Variants in TANC1 observed in about 807,000 individuals in gnomAD.
The protein encoded by TANC1 is protein TANC1.
Under a neutral mutation model 149.7 loss-of-function variants are expected in TANC1, and 77 were observed. The ratio of observed to expected loss-of-function variants is 0.51; its 90% confidence interval spans 0.43 to 0.62. The LOEUF (loss-of-function observed/expected upper bound fraction) is 0.62, where lower values mean the gene tolerates loss of function less well. Ranked by LOEUF, TANC1 falls within the 20% of genes least tolerant of loss-of-function variation. The pLI, the probability that TANC1 is intolerant of heterozygous loss-of-function variation, is 0.00. For synonymous variants in TANC1, 854 were observed against 925.0 expected (o/e 0.92, Z 1.39); for missense variants, 1,985 against 2,321.8 (o/e 0.85, Z 2.98).
chr2:159,152,788 C>T (rs1252994055), intron 7 of TANC1, among the ~76,000 whole-genome samples: 3 of 152,212 alleles, frequency 2.0e-5, no homozygotes, highest in Non-Finnish European at 4.4e-5. Flanking sequence ...CCGGCCCAAA[C>T]TTTTAATAAC....
At chr2:159,041,005 C>T (rs997984237) in intron 2 of TANC1, among the ~76,000 whole-genome samples, 1 of 152,188 alleles carries the variant, frequency 6.6e-6, no homozygotes, top group Non-Finnish European at 1.5e-5. Flanking sequence ...AGTTTTCCTT[C>T]TAAGAGTCAG....
Position 159,228,947 on chromosome 2 carries a change from A to C in TANC1, c.4151+51A>C, listed in dbSNP as rs771741974. ...CTAGAGCTTTTTTTCTTGTGGGATC[A>C]AACCTGCCTGTTGAATTTGGGGAGG... On this transcript the variant is annotated intron_variant, in intron 26 of 26. Transcript: ENST00000263635. 7.7e-6 allele frequency: 11 copies of C among 1,436,270 alleles called. No homozygotes were observed. The African/African-American group carries it at 1.4e-4, about 18-fold the overall frequency. The allele number at this position is 1,436,270 out of a possible 1,614,324, so 89.0% of individuals were successfully genotyped here. A position where few individuals can be genotyped will look rare whatever the true frequency, so the allele number is the denominator to read the frequency against.
At chr2:159,220,542 T>A (rs562797107) in intron 22 of TANC1, among the ~76,000 whole-genome samples, 2 of 151,738 alleles carry the variant, frequency 1.3e-5, no homozygotes, top group Non-Finnish European at 1.5e-5. Context: ...GACCTCATGA[T>A]CCGCCTGCCT....
chr2:159,196,558 C>A, intron 17 of TANC1, 50 bp from the exon 18 acceptor site: 1 of 1,523,908 alleles, frequency 6.6e-7, no homozygotes, highest in Non-Finnish European at 8.9e-7. Flanking sequence ...TCTGCATGCT[C>A]AGAGGCAAAG....
chr2:158,996,457 T>A (rs2036145960), intron 1 of TANC1, among the ~76,000 whole-genome samples: 1 of 152,260 alleles, frequency 6.6e-6, no homozygotes, highest in African/African-American at 2.4e-5. Flanking sequence ...TAACTTGATA[T>A]TTTTGTACAC....
intron 3 of TANC1, among the ~76,000 whole-genome samples, chr2:159,073,731 A>C (rs1216881334): frequency 6.6e-6 from 1 of 152,198 alleles, no homozygotes; most frequent in Non-Finnish European, 1.5e-5. Flanking sequence ...AATTCCCATA[A>C]AAAGTTTCAT....
Position 159,150,409 on chromosome 2 carries a change from C to G in TANC1, c.535C>G (p.Leu179Val), listed in dbSNP as rs765929860. The G allele has an allele frequency of 6.2e-7, 1 of 1,614,170 alleles. No homozygotes were observed. The part of the protein sequence containing the change: ...LSQGISPCST[L>V]TSSTASPSTD... ...TCAAGGCATCAGTCCTTGCTCCACA[C>G]TAACAAGCAGCACCGCATCTCCTAG... Residue 179 changes from leucine (L) to valine (V), a missense_variant, in exon 7 of 27, where the codon CTA becomes GTA. Physicochemically the swap from Leu to Val is conservative, Grantham distance 32. Coordinates refer to ENST00000263635, the MANE Select transcript of TANC1 (RefSeq NM_033394.3).
chr2:159,066,140 A>G (rs867472821), intron 3 of TANC1, among the ~76,000 whole-genome samples, 169 bp downstream of exon 3: 1 of 152,180 alleles, frequency 6.6e-6, no homozygotes, highest in Admixed American at 6.5e-5. Flanking sequence ...AGACATGGTG[A>G]CCCACACCTG....
intron 8 of TANC1, among the ~76,000 whole-genome samples, chr2:159,163,918 G>A (rs531301381): frequency 3.3e-5 from 5 of 152,214 alleles, no homozygotes; most frequent in South Asian, 4.2e-4. Context: ...TCAGCTCGAG[G>A]ATCTTCTTAC....
At chr2:159,174,838 T>C (rs1575096397) in intron 11 of TANC1, 115 bp from the exon 12 acceptor site, 1 of 789,448 alleles carries the variant, frequency 1.3e-6, no homozygotes, top group East Asian at 2.4e-5. Context: ...TCTTGGGGAA[T>C]AGATGCTATG....
chr2:159,041,874 G>T (rs139005259), intron 2 of TANC1, among the ~76,000 whole-genome samples: 1 of 152,162 alleles, frequency 6.6e-6, no homozygotes, highest in Non-Finnish European at 1.5e-5. Context: ...TGTCAGTCAC[G>T]CTGCGGGCTG....
chr2:159,131,742 A>G lies in TANC1; in HGVS notation c.260-4452A>G, dbSNP rs78419664. Among the ~76,000 whole-genome samples the G allele has an allele frequency of 3.6e-4, 55 of 152,326 alleles. No homozygotes were observed. The East Asian group carries it at 9.8e-3, about 27-fold the overall frequency. ...CTCTGCTTAATGCAAAGTATGCACA[A>G]ATTCTCTAATGAGTGATTGTGGGGG... is the stretch of plus-strand genomic sequence containing the variant. On this transcript the variant is annotated intron_variant, in intron 4 of 26. Transcript: ENST00000263635.
intron 4 of TANC1, among the ~76,000 whole-genome samples, chr2:159,116,455 A>AACAAC (rs754714980): frequency 1.2e-3 from 153 of 130,410 alleles, no homozygotes; most frequent in Middle Eastern, 4.1e-3. Flanking sequence ...CAACAACAAC[A>AACAAC]AAAAAAAAAA....
At chr2:159,036,188 G>A (rs2040179151) in intron 2 of TANC1, among the ~76,000 whole-genome samples, 1 of 152,092 alleles carries the variant, frequency 6.6e-6, no homozygotes, top group Non-Finnish European at 1.5e-5. Context: ...CCTGTCCTGG[G>A]AAACCTCAGG....
intron 13 of TANC1, 95 bp downstream of exon 13, chr2:159,176,613 G>A: frequency 2.1e-6 from 2 of 965,792 alleles, no homozygotes; most frequent in South Asian, 1.6e-5. Flanking sequence ...CCATTCAGCT[G>A]CTTGAATTGG....
intron 2 of TANC1, among the ~76,000 whole-genome samples, chr2:159,028,614 A>G (rs2039539734): frequency 6.6e-6 from 1 of 152,216 alleles, no homozygotes; most frequent in Non-Finnish European, 1.5e-5. Context: ...TAACTTATAA[A>G]CACAATGTTA....
intron 3 of TANC1, among the ~76,000 whole-genome samples, chr2:159,090,342 C>T (rs2045393612): frequency 6.6e-6 from 1 of 152,120 alleles, no homozygotes. Flanking sequence ...TTTCTCCCGA[C>T]CTCTTTGTCT....
chr2:159,049,201 A>G (rs938507342), intron 2 of TANC1, among the ~76,000 whole-genome samples: 2 of 152,194 alleles, frequency 1.3e-5, no homozygotes, highest in African/African-American at 4.8e-5. Context: ...TTTAATTTTC[A>G]AAGTCTTGGT....
intron 5 of TANC1, among the ~76,000 whole-genome samples, chr2:159,142,607 G>T (rs997078134): frequency 1.3e-5 from 2 of 152,142 alleles, no homozygotes; most frequent in Admixed American, 6.5e-5. Flanking sequence ...TTTTCTTGAG[G>T]CAGAGCACTT....
Sources: gnomAD v4.1 joint callset for allele counts (sites outside exome capture counted in the v4.1 genomes callset) on GRCh38, gnomAD v4.1.1 for gene constraint, MANE v1.5 for transcripts, NCBI Gene and HGNC (gene_info 2026-07-23, HGNC 2026-07-21) for gene names.